FECH: variants seen among roughly 807,000 people sequenced by gnomAD.
FECH encodes the protein ferrochelatase.
FECH carries 40 observed loss-of-function variants against 56.9 expected under a neutral mutation model. The ratio of observed to expected loss-of-function variants is 0.70; its 90% CI spans 0.55 to 0.92. The LOEUF (loss-of-function observed/expected upper bound fraction) is 0.92, where lower values mean the gene tolerates loss of function less well. Among genes scored for constraint, FECH ranks in the 40% least tolerant of loss-of-function variants. The pLI is 0.00. For missense variants in FECH, 431 were observed against 529.1 expected, an observed-to-expected ratio of 0.81 and a Z score of 1.82; for synonymous variants, 175 against 198.6, an observed-to-expected ratio of 0.88 and a Z score of 1.00.
intron 7 of FECH, among the ~76,000 whole-genome samples, chr18:57,558,824 G>A (rs140234888): frequency 1.3e-5 from 2 of 152,152 alleles, no homozygotes; most frequent in South Asian, 4.1e-4. Context: ...GGGAGGCTGA[G>A]GCAAGAGAAC....
intron 9 of FECH, among the ~76,000 whole-genome samples, chr18:57,552,656 T>C (rs1271719056): frequency 6.6e-6 from 1 of 152,136 alleles, no homozygotes; most frequent in Non-Finnish European, 1.5e-5. Flanking sequence ...TGCCTCGGAT[T>C]CCCAAAGTGC....
chr18:57,569,923 T>G (rs1358745548), intron 4 of FECH, among the ~76,000 whole-genome samples: 2 of 151,588 alleles, frequency 1.3e-5, no homozygotes, highest in Admixed American at 1.3e-4. Flanking sequence ...AGCTTCAACC[T>G]CCCTGGCTCA....
Sources: allele counts gnomAD v4.1 joint callset (sites outside exome capture counted in the v4.1 genomes callset), GRCh38; gene constraint gnomAD v4.1.1; transcripts MANE v1.5; gene names NCBI Gene and HGNC (gene_info 2026-07-23, HGNC 2026-07-21).